KCNN3: variants seen among roughly 807,000 people sequenced by gnomAD.
KCNN3 encodes the protein small conductance calcium-activated potassium channel protein 3.
A neutral mutation model predicts 62.9 loss-of-function variants in KCNN3; 16 were observed. The ratio of observed to expected loss-of-function variants is 0.25; its 90% CI spans 0.17 to 0.39. The LOEUF is 0.39. KCNN3 is among the 10% of genes least tolerant of loss of function. The probability of loss-of-function intolerance (pLI) is 1.00; values close to 1 mark genes in which losing one functional copy is unlikely to be tolerated. For synonymous variants in KCNN3, 370 were observed against 389.2 expected (o/e 0.95, Z 0.58); for missense variants, 599 against 949.4 (o/e 0.63, Z 4.85).
At chr1:154,732,908 C>T (rs377115013) in intron 4 of KCNN3, 95 bp downstream of exon 4, 3 of 1,416,714 alleles carry the variant, frequency 2.1e-6, no homozygotes, top group South Asian at 2.3e-5. Context: ...CCACCCCCCG[C>T]TCTGCGGCTA....
intron 1 of KCNN3, among the ~76,000 whole-genome samples, chr1:154,857,927 A>G (rs1652602789): frequency 6.6e-6 from 1 of 152,110 alleles, no homozygotes; most frequent in African/African-American, 2.4e-5. Context: ...GTTCCCATGT[A>G]ATGAGAGCGG....
At chr1:154,739,370 T>C (rs1445471857) in intron 3 of KCNN3, among the ~76,000 whole-genome samples, 1 of 152,190 alleles carries the variant, frequency 6.6e-6, no homozygotes, top group Non-Finnish European at 1.5e-5. Context: ...ACTTGTATGT[T>C]CTCTCCATTC....
intron 6 of KCNN3, among the ~76,000 whole-genome samples, chr1:154,714,543 GGT>G (rs755571061): frequency 5.6e-4 from 15 of 26,726 alleles, no homozygotes; most frequent in Middle Eastern, 0.018. Flanking sequence ...GTGTGTGTGG[GGT>G]GTGTGTGTGT....
intron 1 of KCNN3, among the ~76,000 whole-genome samples, chr1:154,849,207 A>G (rs1456403900): frequency 6.6e-6 from 1 of 152,138 alleles, no homozygotes; most frequent in Non-Finnish European, 1.5e-5. Context: ...TCTCCCACTC[A>G]CACAGCACAG....
intron 3 of KCNN3, among the ~76,000 whole-genome samples, chr1:154,753,533 G>A (rs1481217104): frequency 6.6e-6 from 1 of 152,178 alleles, no homozygotes; most frequent in Admixed American, 6.5e-5. Flanking sequence ...CCTCCCCAGT[G>A]GAACACATAC....
chr1:154,859,892 C>A (rs959713568), intron 1 of KCNN3: 10 of 1,442,528 alleles, frequency 6.9e-6, no homozygotes, highest in African/African-American at 1.4e-5. Context: ...AAATGCCCAA[C>A]AAGCTGACTC....
At chr1:154,720,504 A>T (rs1430653660) in intron 5 of KCNN3, among the ~76,000 whole-genome samples, 1 of 152,264 alleles carries the variant, frequency 6.6e-6, no homozygotes, top group Non-Finnish European at 1.5e-5. Flanking sequence ...AATCTGGCAT[A>T]ACAATGACTA....
chr1:154,843,027 CA>C, intron 1 of KCNN3, among the ~76,000 whole-genome samples: 1 of 152,194 alleles, frequency 6.6e-6, no homozygotes, highest in Non-Finnish European at 1.5e-5. Context: ...AAGGACCTGA[CA>C]CTTATAATAG....
intron 1 of KCNN3, among the ~76,000 whole-genome samples, chr1:154,864,752 A>T (rs1652889086): frequency 1.3e-5 from 2 of 152,256 alleles, no homozygotes; most frequent in South Asian, 4.1e-4. Flanking sequence ...GGCAGGGGCC[A>T]CAGAGAGGAG....
At chr1:154,846,602 C>T (rs928537909) in intron 1 of KCNN3, among the ~76,000 whole-genome samples, 6 of 152,276 alleles carry the variant, frequency 3.9e-5, no homozygotes, top group South Asian at 2.1e-4. Flanking sequence ...GCACCGGGAG[C>T]CGATTGCTCC....
At position 154,864,849 on chromosome 1, in the gene KCNN3, T is replaced by C. The variant is rs544143263; in HGVS notation, c.933+4183A>G. Among the ~76,000 whole-genome samples, 6 of 151,992 alleles carry C rather than the reference T, an allele frequency of 3.9e-5. No homozygotes were observed. The East Asian group carries it at 7.7e-4, about 20-fold the overall frequency. On this transcript the variant is annotated intron_variant, in intron 1 of 7. Transcript: ENST00000271915. Reference sequence around the variant, plus strand: ...GACTGGTTCTGCCTGGGAGGAGAGATGCAGACCAGTTTCAAGGCCGGGCAT... The same window carrying C: ...GACTGGTTCTGCCTGGGAGGAGAGACGCAGACCAGTTTCAAGGCCGGGCAT...
At chr1:154,769,224 A>G (rs944964282) in intron 3 of KCNN3, among the ~76,000 whole-genome samples, 2 of 152,180 alleles carry the variant, frequency 1.3e-5, no homozygotes, top group African/African-American at 4.8e-5. Context: ...TTGTGAGGGC[A>G]AGCTGGGATG....
chr1:154,730,668 C>A (rs1392091454), intron 4 of KCNN3, among the ~76,000 whole-genome samples: 2 of 152,192 alleles, frequency 1.3e-5, no homozygotes, highest in Non-Finnish European at 2.9e-5. Flanking sequence ...TAGAGGAAAC[C>A]TCCCTGTTCC....
At chr1:154,725,827 G>T in intron 5 of KCNN3, 89 bp downstream of exon 5, 1 of 937,210 alleles carries the variant, frequency 1.1e-6, no homozygotes, top group Non-Finnish European at 1.7e-6. Context: ...ACAGGCGTGA[G>T]CCACTGCACC....
chr1:154,783,038 C>A (rs918360915), intron 2 of KCNN3, among the ~76,000 whole-genome samples: 3 of 152,074 alleles, frequency 2.0e-5, no homozygotes, highest in Non-Finnish European at 4.4e-5. Context: ...CGGTGAAACC[C>A]CATCTCTACT....
rs975035613 is a variant in KCNN3, at chr1:154,699,452, C to T, written c.*8524G>A. ...ATCTGTAAATATTTGCCTACATACA[C>T]GTCACACACACACATACATATTTAT... On this transcript the variant is annotated 3_prime_UTR_variant, in exon 8 of 8. Transcript: ENST00000271915. 1 of 152,076 alleles carries T rather than the reference C, an allele frequency of 6.6e-6. No homozygotes were observed. Among genetic ancestry groups the T allele is most frequent in the African/African-American group, 2.4e-5 (1 of 41,400 alleles). 9.4% of individuals were successfully genotyped at this position (152,076 alleles called of 1,614,324 possible).
intron 2 of KCNN3, among the ~76,000 whole-genome samples, chr1:154,819,458 A>G (rs181804267): frequency 6.6e-6 from 1 of 152,216 alleles, no homozygotes; most frequent in African/African-American, 2.4e-5. Flanking sequence ...TAATGCAAAG[A>G]TAACTGTCCC....
At chr1:154,826,919 G>C (rs1651157728) in intron 1 of KCNN3, among the ~76,000 whole-genome samples, 1 of 152,222 alleles carries the variant, frequency 6.6e-6, no homozygotes, top group African/African-American at 2.4e-5. Context: ...TGATGCGCAG[G>C]CTCCTTCCCC....
chr1:154,739,721 C>T (rs1053654371), intron 3 of KCNN3, among the ~76,000 whole-genome samples: 6 of 152,232 alleles, frequency 3.9e-5, no homozygotes, highest in African/African-American at 1.4e-4. Context: ...AAGATCATGG[C>T]TTCTGTCTTG....
Sources: allele counts gnomAD v4.1 joint callset (sites outside exome capture counted in the v4.1 genomes callset), GRCh38; gene constraint gnomAD v4.1.1; transcripts MANE v1.5; gene names NCBI Gene and HGNC (gene_info 2026-07-23, HGNC 2026-07-21).